NALCN: variants seen among roughly 807,000 people sequenced by gnomAD.
NALCN encodes sodium leak channel, non-selective.
A neutral mutation model predicts 225.3 loss-of-function variants in NALCN; 111 were observed. That is an observed-to-expected ratio of 0.49 (90% CI 0.42 to 0.58). The LOEUF (loss-of-function observed/expected upper bound fraction) is 0.58, where lower values mean the gene tolerates loss of function less well. Ranked by LOEUF, NALCN falls within the 20% of genes least tolerant of loss-of-function variation. The pLI is 0.00. For missense variants in NALCN, 1,378 were observed against 2,202.4 expected (o/e 0.63, Z 7.49); for synonymous variants, 764 against 769.0 (o/e 0.99, Z 0.11).
intron 10 of NALCN, among the ~76,000 whole-genome samples, chr13:101,276,642 C>G (rs1180789862): frequency 2.6e-5 from 4 of 152,100 alleles, no homozygotes; most frequent in Non-Finnish European, 4.4e-5. Context: ...TGTTTCAGAA[C>G]ACAAAATAAA....
intron 27 of NALCN, among the ~76,000 whole-genome samples, chr13:101,097,119 T>C (rs1029326778): frequency 3.3e-5 from 5 of 152,224 alleles, no homozygotes; most frequent in African/African-American, 1.2e-4. Flanking sequence ...TACTTCTTTC[T>C]GGATTACCAG....
intron 42 of NALCN, chr13:101,058,658 CT>C (rs11353820): frequency 0.11 from 15,181 of 138,648 alleles, 730 homozygotes; most frequent in African/African-American, 0.15. Context: ...CTTTAGTATC[CT>C]TTTTTTTTTT....
Position 101,074,619 on chromosome 13 carries a change from T to C in NALCN, c.3998A>G (p.Tyr1333Cys). The change falls in exon 36 of 44, where the codon TAC (tyrosine) becomes TGC (cysteine). Residue 1333 changes from tyrosine (Y) to cysteine (C), a missense_variant. This residue lies in a region of NALCN where 76 missense variants were observed against 118.7 expected (regional missense o/e 0.64). Coordinates refer to ENST00000251127, the MANE Select transcript of NALCN (RefSeq NM_052867.4). ...MLLLTVVVSM[Y>C]KSFFIIVGMF... ...GCCTACTATGATAAAGAAGCTCTTG[T>C]ACATGCTGACGACCACTGTCAAGAG... is the stretch of plus-strand genomic sequence containing the variant. 1 of 1,613,352 alleles carries C rather than the reference T, an allele frequency of 6.2e-7. No homozygotes were observed. Among genetic ancestry groups the C allele is most frequent in the Non-Finnish European group, 8.5e-7 (1 of 1,179,916 alleles).
At chr13:101,398,823 C>T (rs1348958979) in intron 2 of NALCN, among the ~76,000 whole-genome samples, 196 bp downstream of exon 2, 2 of 152,104 alleles carry the variant, frequency 1.3e-5, no homozygotes, top group African/African-American at 2.4e-5. Flanking sequence ...CTACCCAGTG[C>T]ATCTTCCTAT....
At chr13:101,400,410 C>T (rs913039295) in intron 1 of NALCN, among the ~76,000 whole-genome samples, 2 of 152,030 alleles carry the variant, frequency 1.3e-5, no homozygotes, top group Admixed American at 6.6e-5. Flanking sequence ...GTCAGGAAAA[C>T]GTAGCACTGC....
chr13:101,316,802 C>G lies in NALCN; in HGVS notation c.800-24436G>C, dbSNP rs1178866592. 4.6e-5 allele frequency among the ~76,000 whole-genome samples: 7 copies of G among 152,194 alleles called. No individual in the cohort carries two copies. The East Asian group carries it at 1.4e-3, about 29-fold the overall frequency. ...AGGTGACCATCCACTCTAATCCTTA[C>G]AAATTTTAAAATTATGTCTTCCTGT... is the stretch of plus-strand genomic sequence containing the variant. On this transcript the variant is annotated intron_variant, in intron 7 of 43. Coordinates refer to ENST00000251127, the MANE Select transcript of NALCN (RefSeq NM_052867.4).
intron 1 of NALCN, among the ~76,000 whole-genome samples, chr13:101,409,973 C>G (rs1381636645): frequency 1.3e-5 from 2 of 152,124 alleles, no homozygotes; most frequent in African/African-American, 4.8e-5. Context: ...AAGGTGGAGA[C>G]CCCATGAATG....
Position 101,104,660 on chromosome 13 carries a change from A to T in NALCN, c.2637-10T>A. The T allele has an allele frequency of 6.2e-7, 1 of 1,613,618 alleles. No individual in the cohort carries two copies. Among genetic ancestry groups the T allele is most frequent in the Non-Finnish European group, 8.5e-7 (1 of 1,179,750 alleles). On this transcript the variant is annotated splice_polypyrimidine_tract_variant and intron_variant, in intron 23 of 43. Coordinates refer to ENST00000251127, the MANE Select transcript of NALCN (RefSeq NM_052867.4). The surrounding 1 kb of genome is among the most constrained non-coding windows in gnomAD (Gnocchi z 4.2). Reference sequence around the variant, plus strand: ...CAATCCCAGCAAATCACTGCCAAAGACCAAACAAAATTGAGAAACATAAAG... The same window carrying T: ...CAATCCCAGCAAATCACTGCCAAAGTCCAAACAAAATTGAGAAACATAAAG...
intron 3 of NALCN, among the ~76,000 whole-genome samples, chr13:101,385,402 C>T (rs2046959956): frequency 6.6e-6 from 1 of 152,014 alleles, no homozygotes; most frequent in African/African-American, 2.4e-5. Context: ...GCCTGCCTCC[C>T]CCATAGCTTT....
intron 6 of NALCN, among the ~76,000 whole-genome samples, chr13:101,370,169 C>A (rs2046497439): frequency 6.6e-6 from 1 of 152,114 alleles, no homozygotes; most frequent in Non-Finnish European, 1.5e-5. Context: ...ATCCTCTTTA[C>A]CTTTCTCATA....
chr13:101,231,734 A>C (rs2041356194), intron 12 of NALCN, among the ~76,000 whole-genome samples: 1 of 152,234 alleles, frequency 6.6e-6, no homozygotes, highest in Admixed American at 6.5e-5. Flanking sequence ...CACAGTAAGA[A>C]ACAGAAAATT....
chr13:101,384,269 A>G (rs2046925874), intron 3 of NALCN, among the ~76,000 whole-genome samples: 1 of 152,216 alleles, frequency 6.6e-6, no homozygotes, highest in South Asian at 2.1e-4. Context: ...TTGTTCCATC[A>G]ACAAGAAATG....
Position 101,104,915 on chromosome 13 carries a change from T to C in NALCN, c.2615A>G (p.Asn872Ser), listed in dbSNP as rs777974606. Residue 872 changes from asparagine to serine, a missense_variant, in exon 23 of 44, where the codon AAT (asparagine) becomes AGT (serine). By Grantham distance (46) the Asn-to-Ser change is conservative. Transcript: ENST00000251127. The surrounding 1 kb of genome is among the most constrained non-coding windows in gnomAD (Gnocchi z 4.2). ...TTACTAAAGTTGATGGTACTTTGTA[T>C]TTTTCACAGCTCCTGTGACAGGGTC... ...KTDPVTGAVKNTKYHQLYDLL... is the reference protein window; with the variant it reads ...KTDPVTGAVKSTKYHQLYDLL... The C allele has an allele frequency of 1.2e-6, 2 of 1,613,810 alleles. No homozygotes were observed. Among genetic ancestry groups the C allele is most frequent in the Admixed American group, 3.3e-5 (2 of 59,998 alleles).
chr13:101,348,223 C>G (rs990145811), intron 6 of NALCN, among the ~76,000 whole-genome samples: 2 of 152,166 alleles, frequency 1.3e-5, no homozygotes, highest in Admixed American at 1.3e-4. Context: ...TGGAGCCAAT[C>G]TTCTTGGCTG....
intron 14 of NALCN, among the ~76,000 whole-genome samples, chr13:101,182,271 A>C (rs1425265031): frequency 6.6e-6 from 1 of 152,116 alleles, no homozygotes; most frequent in Non-Finnish European, 1.5e-5. Context: ...ACGGCATGCC[A>C]GCTGCACTGA....
At chr13:101,312,308 C>T (rs1461795946) in intron 7 of NALCN, among the ~76,000 whole-genome samples, 1 of 152,256 alleles carries the variant, frequency 6.6e-6, no homozygotes, top group East Asian at 1.9e-4. Context: ...TTTCAAAAAA[C>T]CAGCTCCTGG....
At chr13:101,403,138 T>G (rs993169441) in intron 1 of NALCN, among the ~76,000 whole-genome samples, 1 of 152,208 alleles carries the variant, frequency 6.6e-6, no homozygotes, top group Non-Finnish European at 1.5e-5. Context: ...TTATTTCTCA[T>G]TCACTCACTC....
chr13:101,122,053 T>C (rs369648403), intron 18 of NALCN, among the ~76,000 whole-genome samples: 1 of 152,068 alleles, frequency 6.6e-6, no homozygotes, highest in Non-Finnish European at 1.5e-5. Flanking sequence ...CAAACACTCA[T>C]TGACATGGAC....
intron 33 of NALCN, 32 bp downstream of exon 33, chr13:101,082,777 T>C: frequency 6.2e-7 from 1 of 1,609,112 alleles, no homozygotes; most frequent in Non-Finnish European, 8.5e-7. Context: ...TGTGCACAGA[T>C]TCCCCCAGAG....
Sources: gnomAD v4.1 joint callset for allele counts (sites outside exome capture counted in the v4.1 genomes callset) on GRCh38, gnomAD v4.1.1 for gene constraint, gnomAD v4.1.1 regional missense constraint, Gnocchi (gnomAD v3.1) non-coding constraint, MANE v1.5 for transcripts, NCBI Gene and HGNC (gene_info 2026-07-23, HGNC 2026-07-21) for gene names.